Variants in ITPR1 observed in about 807,000 individuals in gnomAD.
The protein encoded by ITPR1 is inositol 1,4,5-trisphosphate receptor type 1.
A neutral mutation model predicts 318.4 loss-of-function variants in ITPR1; 96 were observed. The observed-to-expected ratio is 0.30, with a 90% confidence interval of 0.26 to 0.36. The LOEUF is 0.36. Among genes scored for constraint, ITPR1 ranks in the 10% least tolerant of loss-of-function variants. The probability of loss-of-function intolerance (pLI) is 1.00; values close to 1 mark genes in which losing one functional copy is unlikely to be tolerated. For missense variants in ITPR1, 2,440 were observed against 3,460.2 expected, an observed-to-expected ratio of 0.71 and a Z score of 7.40; for synonymous variants, 1,312 against 1,289.9, an observed-to-expected ratio of 1.02 and a Z score of -0.37.
chr3:4,707,762 A>G (rs1274356386), intron 37 of ITPR1, among the ~76,000 whole-genome samples: 3 of 152,108 alleles, frequency 2.0e-5, no homozygotes, highest in Admixed American at 1.3e-4. Context: ...GAGGGCTGCT[A>G]TTATTATTAT....
intron 44 of ITPR1, 109 bp downstream of exon 44, chr3:4,735,463 C>T (rs1575065432): frequency 2.3e-6 from 2 of 853,216 alleles, no homozygotes; most frequent in Middle Eastern, 3.5e-4. Flanking sequence ...AGAGACAGCT[C>T]ATTCTGAGGG....
chr3:4,803,704 C>T lies in ITPR1; in HGVS notation c.7108-2399C>T, dbSNP rs765277543. 1.2e-4 allele frequency among the ~76,000 whole-genome samples: 18 copies of T among 152,186 alleles called. 4 individuals are homozygous for T. The highest frequency in any genetic ancestry group is 1.9e-4 in the East Asian group (1 of 5,184). ...TCAGAGGCTGTCTTCTATGGGCTGTCTAGTTCTTTTCTTCTCTGGCCTTCT... is the reference window on the plus strand; with the variant it reads ...TCAGAGGCTGTCTTCTATGGGCTGTTTAGTTCTTTTCTTCTCTGGCCTTCT... On this transcript the variant is annotated intron_variant, in intron 54 of 61. Transcript: ENST00000649015.
intron 41 of ITPR1, 136 bp downstream of exon 41, chr3:4,725,717 G>A (rs1435898851): frequency 1.3e-6 from 1 of 741,448 alleles, no homozygotes; most frequent in African/African-American, 1.7e-5. Flanking sequence ...TCTCTAGGCT[G>A]GCTGGGAACA....
chr3:4,579,320 T>C (rs1187036344), intron 4 of ITPR1, among the ~76,000 whole-genome samples: 2 of 152,250 alleles, frequency 1.3e-5, no homozygotes, highest in Non-Finnish European at 2.9e-5. Context: ...ATATTAGTTA[T>C]GTAATTTTGA....
At chr3:4,724,179 C>A (rs148274246) in intron 40 of ITPR1, among the ~76,000 whole-genome samples, 1 of 152,286 alleles carries the variant, frequency 6.6e-6, no homozygotes, top group Non-Finnish European at 1.5e-5. Flanking sequence ...TGGACTCATG[C>A]AGGAAAGGTC....
intron 4 of ITPR1, among the ~76,000 whole-genome samples, chr3:4,568,036 A>G (rs1283189821): frequency 6.6e-6 from 1 of 152,204 alleles, no homozygotes; most frequent in African/African-American, 2.4e-5. Context: ...TTTGAAATCT[A>G]TGCCAAAGTC....
chr3:4,669,849 G>C, intron 19 of ITPR1, 76 bp downstream of exon 19: 1 of 1,347,944 alleles, frequency 7.4e-7, no homozygotes, highest in African/African-American at 1.5e-5. Flanking sequence ...ATAAAACCTA[G>C]CCCTATCATT....
chr3:4,714,183 C>T (rs896167381), intron 39 of ITPR1, among the ~76,000 whole-genome samples: 2 of 152,230 alleles, frequency 1.3e-5, no homozygotes, highest in Admixed American at 6.5e-5. Context: ...CAGGGCAGGC[C>T]GACTTTTTCA....
intron 42 of ITPR1, among the ~76,000 whole-genome samples, chr3:4,731,463 G>A (rs1358394877): frequency 6.6e-6 from 1 of 152,198 alleles, no homozygotes; most frequent in African/African-American, 2.4e-5. Flanking sequence ...TGAGTTTCAT[G>A]AGCTGATAGA....
chr3:4,541,748 C>T (rs1271012994), intron 4 of ITPR1, among the ~76,000 whole-genome samples: 1 of 152,060 alleles, frequency 6.6e-6, no homozygotes, highest in Admixed American at 6.5e-5. Context: ...GCCTCAGCCT[C>T]CCGAGTAGCT....
intron 12 of ITPR1, among the ~76,000 whole-genome samples, chr3:4,656,095 G>A (rs572523023): frequency 2.0e-5 from 3 of 152,274 alleles, no homozygotes; most frequent in Non-Finnish European, 2.9e-5. Context: ...GGTGCCAGAG[G>A]GAGAAAAAGG....
chr3:4,737,515 G>A (rs1020436518), intron 44 of ITPR1, among the ~76,000 whole-genome samples: 1 of 152,216 alleles, frequency 6.6e-6, no homozygotes, highest in South Asian at 2.1e-4. Context: ...CAGAACAGCG[G>A]TTGGGTCTTT....
Position 4,665,143 on chromosome 3 carries a change from C to T in ITPR1, c.1560C>T (p.Phe520=). The T allele has an allele frequency of 1.9e-6, 3 of 1,614,030 alleles. No homozygotes were observed. Among genetic ancestry groups the T allele is most frequent in the Non-Finnish European group, 2.5e-6 (3 of 1,179,882 alleles). ...MREQNILKQI[F]KLLQAPFTDC... ...CTTTTCATTTTCACAAACAGATCTT[C>T]AAGTTGTTACAAGCCCCATTCACAG... The change falls in exon 17 of 62, where the codon TTC becomes TTT. Residue 520 remains phenylalanine (F), a synonymous_variant. Transcript: ENST00000649015.
At chr3:4,669,243 T>G (rs1197746269) in intron 18 of ITPR1, among the ~76,000 whole-genome samples, 2 of 152,214 alleles carry the variant, frequency 1.3e-5, no homozygotes, top group Non-Finnish European at 2.9e-5. Flanking sequence ...AAATTAGTAA[T>G]TTCCCCAAAT....
chr3:4,836,835 AAGG>A lies in ITPR1; in HGVS notation c.8093_8095del (p.Gly2698del). On this transcript the variant is annotated inframe_deletion, in exon 61 of 62. Coordinates refer to ENST00000649015, the MANE Select transcript of ITPR1 (RefSeq NM_001378452.1). ...ATGTCATTGGTCAGCAGTGATTCTGAAGGAGAACAGAATGAGCTGAGAAACCTG... is the reference window on the plus strand; with the variant it reads ...ATGTCATTGGTCAGCAGTGATTCTGAAGAACAGAATGAGCTGAGAAACCTG... 6.3e-7 allele frequency: 1 copy of A among 1,575,218 alleles called. No homozygotes were observed. The highest frequency in any genetic ancestry group is 8.7e-7 in the Non-Finnish European group (1 of 1,155,772).
intron 48 of ITPR1, among the ~76,000 whole-genome samples, chr3:4,778,173 T>C (rs1242619187): frequency 2.0e-5 from 3 of 152,232 alleles, no homozygotes; most frequent in African/African-American, 7.2e-5. Context: ...CTCCCTTCTA[T>C]GTAGGGGTTC....
chr3:4,528,540 A>G (rs756766852), intron 4 of ITPR1, among the ~76,000 whole-genome samples: 12 of 152,234 alleles, frequency 7.9e-5, no homozygotes, highest in Non-Finnish European at 1.6e-4. Context: ...TTGGCAAGGC[A>G]TCGAAGGAAT....
chr3:4,783,654 C>T (rs1052466090), intron 50 of ITPR1, among the ~76,000 whole-genome samples, 162 bp from the exon 51 acceptor site: 3 of 152,266 alleles, frequency 2.0e-5, no homozygotes, highest in Non-Finnish European at 4.4e-5. Flanking sequence ...AGCGCCTGTG[C>T]ACAGCACGCC....
intron 44 of ITPR1, among the ~76,000 whole-genome samples, chr3:4,739,473 T>G (rs1287179407): frequency 1.3e-5 from 2 of 152,182 alleles, no homozygotes; most frequent in African/African-American, 4.8e-5. Context: ...CAGTCTGCCC[T>G]CTGTGTTTGT....
Sources: gnomAD v4.1 joint callset for allele counts (sites outside exome capture counted in the v4.1 genomes callset) on GRCh38, gnomAD v4.1.1 for gene constraint, MANE v1.5 for transcripts, NCBI Gene and HGNC (gene_info 2026-07-23, HGNC 2026-07-21) for gene names.